Variants in ERC1 observed in about 807,000 individuals in gnomAD.
ERC1 encodes RAB6 interacting protein 2.
Under a neutral mutation model 132.0 loss-of-function variants are expected in ERC1, and 56 were observed. The ratio of observed to expected loss-of-function variants is 0.42; its 90% CI spans 0.34 to 0.53. The LOEUF (loss-of-function observed/expected upper bound fraction) is 0.53, where lower values mean the gene tolerates loss of function less well. Among genes scored for constraint, ERC1 ranks in the 20% least tolerant of loss-of-function variants. The pLI is 0.03. For missense variants in ERC1, 1,202 were observed against 1,349.9 expected (o/e 0.89, Z 1.72); for synonymous variants, 478 against 476.1 (o/e 1.00, Z -0.05).
intron 17 of ERC1, among the ~76,000 whole-genome samples, chr12:1,419,886 A>G (rs1321475979): frequency 6.7e-6 from 1 of 150,276 alleles, no homozygotes; most frequent in African/African-American, 2.4e-5. Context: ...AAAAAGATAC[A>G]TTCAAAACAT....
intron 8 of ERC1, among the ~76,000 whole-genome samples, chr12:1,151,259 G>T (rs1302739696): frequency 1.3e-5 from 2 of 152,160 alleles, no homozygotes; most frequent in Non-Finnish European, 2.9e-5. Context: ...ACTTCAGTGG[G>T]GGAGATCAGG....
intron 14 of ERC1, among the ~76,000 whole-genome samples, chr12:1,287,617 T>G (rs1159277792): frequency 6.6e-6 from 1 of 152,168 alleles, no homozygotes; most frequent in Non-Finnish European, 1.5e-5. Context: ...ACTGGGACAT[T>G]AGCTTTTCCT....
chr12:1,219,671 T>C (rs1958785736), intron 12 of ERC1, among the ~76,000 whole-genome samples: 1 of 147,836 alleles, frequency 6.8e-6, no homozygotes, highest in South Asian at 2.2e-4. Context: ...AGGGTCTCAC[T>C]GTTACCCGGG....
chr12:1,180,644 C>A lies in ERC1; in HGVS notation c.1842C>A (p.Ala614=). ...CTGACACCACCAACACTGACACTGC[C>A]TTGACAACTTTGGAGGAGGCCCTTG... ...LQADTTNTDT[A]LTTLEEALAE... is the part of the protein sequence containing the mutation. The change falls in exon 9 of 19, where the codon GCC becomes GCA. Residue 614 remains alanine, a synonymous_variant. Transcript: ENST00000360905. 19 of 1,613,988 alleles carry A rather than the reference C, an allele frequency of 1.2e-5. No homozygotes were observed. The highest frequency in any genetic ancestry group is 1.6e-5 in the Non-Finnish European group (19 of 1,180,028).
rs559230864 is a variant in ERC1, at chr12:1,345,353, G to A, written c.2781-26480G>A. Among the ~76,000 whole-genome samples the A allele has an allele frequency of 7.2e-5, 11 of 151,934 alleles. No homozygotes were observed. The South Asian group carries it at 2.3e-3, about 32-fold the overall frequency. On this transcript the variant is annotated intron_variant, in intron 15 of 18. Transcript: ENST00000360905. ...CCACCACCACACCCGGCTAATTTTT[G>A]TTCTATTTTTTAGTAGAAATGGGAT...
chr12:1,178,600 C>G (rs1331574267), intron 8 of ERC1, among the ~76,000 whole-genome samples: 1 of 151,960 alleles, frequency 6.6e-6, no homozygotes, highest in East Asian at 1.9e-4. Flanking sequence ...GGGGTACAGA[C>G]AATGATCAGG....
chr12:1,121,687 ATCTCTATC>A lies in ERC1; in HGVS notation c.1569+5658_1569+5665del, dbSNP rs1566012215. ...TCTATCTCTATCTCTATCTATCTCT[ATCTCTATC>A]TCTATCTCTATCTGTGTCTCTATCT... On this transcript the variant is annotated intron_variant, in intron 7 of 18. Coordinates refer to ENST00000360905, the MANE Select transcript of ERC1 (RefSeq NM_178040.4). Among the ~76,000 whole-genome samples the A allele has an allele frequency of 2.8e-4, 17 of 60,434 alleles. No homozygotes were observed. In the East Asian group the frequency reaches 4.9e-3, roughly 17 times the overall value. The allele number at this position is 60,434 out of a possible 152,430, so 39.6% of individuals were successfully genotyped here. A position where few individuals can be genotyped will look rare whatever the true frequency, so the allele number is the denominator to read the frequency against.
chr12:1,172,576 A>G (rs2968871), intron 8 of ERC1, among the ~76,000 whole-genome samples: 2,172 of 152,268 alleles, frequency 0.014, 41 homozygotes, highest in African/African-American at 0.05. Flanking sequence ...CCCCCCTTCT[A>G]TTATCATTGA....
intron 8 of ERC1, among the ~76,000 whole-genome samples, chr12:1,165,053 A>G (rs1391402014): frequency 6.6e-6 from 1 of 152,244 alleles, no homozygotes; most frequent in Non-Finnish European, 1.5e-5. Context: ...TACCTAATTC[A>G]GGAATTACCA....
intron 7 of ERC1, among the ~76,000 whole-genome samples, chr12:1,135,282 G>A: frequency 6.6e-6 from 1 of 152,150 alleles, no homozygotes; most frequent in East Asian, 1.9e-4. Context: ...TGAAAAAGCA[G>A]GACAGGTGTC....
intron 14 of ERC1, among the ~76,000 whole-genome samples, chr12:1,271,881 T>G (rs2077881038): frequency 6.6e-6 from 1 of 152,256 alleles, no homozygotes; most frequent in African/African-American, 2.4e-5. Flanking sequence ...CTGAGAGGAC[T>G]TCTTTGTAAT....
chr12:1,399,251 C>A (rs2090817279), intron 16 of ERC1, among the ~76,000 whole-genome samples: 1 of 152,076 alleles, frequency 6.6e-6, no homozygotes. Flanking sequence ...CACGCCTGCC[C>A]TCTCTTAATA....
At chr12:1,270,847 A>C (rs1237067308) in intron 14 of ERC1, among the ~76,000 whole-genome samples, 1 of 152,004 alleles carries the variant, frequency 6.6e-6, no homozygotes, top group Admixed American at 6.5e-5. Flanking sequence ...AGCACAAAGT[A>C]AATTACATTA....
At chr12:1,215,771 C>CA (rs970737389) in intron 12 of ERC1, among the ~76,000 whole-genome samples, 11 of 151,200 alleles carry the variant, frequency 7.3e-5, no homozygotes, top group Admixed American at 5.9e-4. Flanking sequence ...TCTGAAAAGG[C>CA]AAAAAAACAA....
In ERC1 at chr12:1,189,915, G is replaced by T. The variant is rs1486908210; in HGVS notation, c.2214G>T (p.Gln738His). The T allele has an allele frequency of 5.6e-6, 9 of 1,613,938 alleles. No homozygotes were observed. Among genetic ancestry groups the T allele is most frequent in the Non-Finnish European group, 7.6e-6 (9 of 1,179,976 alleles). Residue 738 changes from glutamine to histidine, a missense_variant, in exon 12 of 19, where the codon CAG becomes CAT. Physicochemically the swap from Gln to His is conservative, Grantham distance 24. Coordinates refer to ENST00000360905, the MANE Select transcript of ERC1 (RefSeq NM_178040.4). Reference sequence around the variant, plus strand: ...GTCCAGAGATGAGTGACCGAATACAGCACTTGGAGAGAGAGATCACCAGGT... The same window carrying T: ...GTCCAGAGATGAGTGACCGAATACATCACTTGGAGAGAGAGATCACCAGGT... ...RASPEMSDRI[Q>H]HLEREITRYK...
chr12:1,064,042 G>T (rs1284745473), intron 2 of ERC1, among the ~76,000 whole-genome samples: 1 of 152,010 alleles, frequency 6.6e-6, no homozygotes, highest in Admixed American at 6.6e-5. Context: ...AGATAGCTTT[G>T]CTGGGTATAG....
intron 15 of ERC1, among the ~76,000 whole-genome samples, chr12:1,344,346 G>A (rs1171564572): frequency 6.6e-6 from 1 of 152,116 alleles, no homozygotes; most frequent in Admixed American, 6.6e-5. Flanking sequence ...GATTCCGTCA[G>A]CATCTCAGTG....
At chr12:1,069,620 T>G (rs1939954769) in intron 2 of ERC1, among the ~76,000 whole-genome samples, 1 of 152,194 alleles carries the variant, frequency 6.6e-6, no homozygotes, top group Non-Finnish European at 1.5e-5. Flanking sequence ...TCCAGAATAC[T>G]TAGGGCAGAT....
chr12:1,490,980 C>T lies in ERC1; in HGVS notation c.*750C>T, dbSNP rs147240624. ...AGTCTCTCCTGTTTGAGACTGTTGA[C>T]GTTATCATACTGAGGTGTTAGATCA... On this transcript the variant is annotated 3_prime_UTR_variant, in exon 19 of 19. Coordinates refer to ENST00000360905, the MANE Select transcript of ERC1 (RefSeq NM_178040.4). The T allele has an allele frequency of 8.0e-4, 186 of 232,588 alleles. 2 individuals are homozygous for T. The highest frequency in any genetic ancestry group is 7.3e-3 in the East Asian group (120 of 16,492). The allele number at this position is 232,588 out of a possible 1,614,324, so 14.4% of individuals were successfully genotyped here. A position where few individuals can be genotyped will look rare whatever the true frequency, so the allele number is the denominator to read the frequency against.
Sources: allele counts gnomAD v4.1 joint callset (sites outside exome capture counted in the v4.1 genomes callset), GRCh38; gene constraint gnomAD v4.1.1; transcripts MANE v1.5; gene names NCBI Gene and HGNC (gene_info 2026-07-23, HGNC 2026-07-21).